HSDL2: variants seen among roughly 807,000 people sequenced by gnomAD.
The protein encoded by HSDL2 is hydroxysteroid dehydrogenase like 2.
A neutral mutation model predicts 46.3 loss-of-function variants in HSDL2; 27 were observed. The observed-to-expected ratio is 0.58, with a 90% CI of 0.43 to 0.80. HSDL2 has a LOEUF of 0.80. Among genes scored for constraint, HSDL2 ranks in the 30% least tolerant of loss-of-function variants. HSDL2 has a pLI of 0.00. For missense variants in HSDL2, 451 were observed against 502.7 expected (o/e 0.90, Z 0.98); for synonymous variants, 153 against 163.6 (o/e 0.94, Z 0.50).
At chr9:112,457,196 G>A (rs1461116882) in intron 9 of HSDL2, among the ~76,000 whole-genome samples, 1 of 152,022 alleles carries the variant, frequency 6.6e-6, no homozygotes, top group Non-Finnish European at 1.5e-5. Flanking sequence ...TTTCTGCTCA[G>A]ATCCAGGCAA....
rs1352897695 is a variant in HSDL2, at chr9:112,471,240, T to C, written c.*696T>C. 1 of 152,234 alleles carries C rather than the reference T, an allele frequency of 6.6e-6. No individual in the cohort carries two copies. Among genetic ancestry groups the C allele is most frequent in the Admixed American group, 6.5e-5 (1 of 15,280 alleles). 9.4% of individuals were successfully genotyped at this position (152,234 alleles called of 1,614,324 possible). The stretch of plus-strand genomic sequence containing the variant: ...CTACAGTGTTTTGAAACAGAAACCT[T>C]AGAATAGGTCATTGGTATGGGCTGA... On this transcript the variant is annotated 3_prime_UTR_variant, in exon 11 of 11. Coordinates refer to ENST00000398805, the MANE Select transcript of HSDL2 (RefSeq NM_032303.5).
intron 6 of HSDL2, among the ~76,000 whole-genome samples, chr9:112,430,200 A>G (rs1156797373): frequency 6.6e-6 from 1 of 152,088 alleles, no homozygotes; most frequent in Non-Finnish European, 1.5e-5. Context: ...GTTTGAGCAT[A>G]GACTTTGACA....
chr9:112,423,660 G>A (rs1030651530), intron 6 of HSDL2, among the ~76,000 whole-genome samples: 1 of 151,816 alleles, frequency 6.6e-6, no homozygotes, highest in Non-Finnish European at 1.5e-5. Context: ...CATTAGGGAA[G>A]GGAACACTTT....
In HSDL2 at chr9:112,431,467, C is replaced by T. The variant is rs74414210; in HGVS notation, c.599-6964C>T. On this transcript the variant is annotated intron_variant, in intron 6 of 10. Coordinates refer to ENST00000398805, the MANE Select transcript of HSDL2 (RefSeq NM_032303.5). Reference sequence around the variant, plus strand: ...GGAAGATGAAAGAGGAGATGAAAGCCGACTGAAGAAGGAGCTTGGGGAGTG... The same window carrying T: ...GGAAGATGAAAGAGGAGATGAAAGCTGACTGAAGAAGGAGCTTGGGGAGTG... 1.8e-4 allele frequency among the ~76,000 whole-genome samples: 27 copies of T among 152,086 alleles called. No homozygotes were observed. The East Asian group carries it at 4.6e-3, about 26-fold the overall frequency.
intron 1 of HSDL2, among the ~76,000 whole-genome samples, chr9:112,381,088 T>TACACACACACACACACAC (rs111459650): frequency 0.032 from 4,356 of 134,158 alleles, 100 homozygotes; most frequent in East Asian, 0.049. Context: ...TACATCCGGA[T>TACACACACACACACACAC]ACACACACAC....
At chr9:112,394,517 T>A (rs908961507) in intron 1 of HSDL2, among the ~76,000 whole-genome samples, 1 of 152,300 alleles carries the variant, frequency 6.6e-6, no homozygotes, top group African/African-American at 2.4e-5. Context: ...TTTTTAATAC[T>A]GCTGCATGTG....
chr9:112,442,224 G>A (rs975082261), intron 8 of HSDL2, among the ~76,000 whole-genome samples: 14 of 139,792 alleles, frequency 1.0e-4, no homozygotes, highest in African/African-American at 1.9e-4. Context: ...AGCCGTGATC[G>A]TGCCACTGCA....
intron 6 of HSDL2, among the ~76,000 whole-genome samples, chr9:112,428,062 T>C (rs542421387): frequency 1.5e-4 from 23 of 152,326 alleles, no homozygotes; most frequent in African/African-American, 5.3e-4. Flanking sequence ...CTATCTGCTA[T>C]GTACTGGATA....
chr9:112,394,456 T>G (rs1024788008), intron 1 of HSDL2, among the ~76,000 whole-genome samples: 11 of 152,200 alleles, frequency 7.2e-5, no homozygotes, highest in Admixed American at 4.6e-4. Flanking sequence ...GAGCAATTGT[T>G]TTTTAAATAG....
At chr9:112,464,656 A>G (rs1833323576) in intron 10 of HSDL2, among the ~76,000 whole-genome samples, 1 of 152,216 alleles carries the variant, frequency 6.6e-6, no homozygotes, top group East Asian at 1.9e-4. Context: ...TAGTAATTCA[A>G]TTTCTAGTTG....
chr9:112,465,713 G>C (rs150338888), intron 10 of HSDL2, among the ~76,000 whole-genome samples: 2 of 152,166 alleles, frequency 1.3e-5, no homozygotes, highest in Non-Finnish European at 2.9e-5. Context: ...GTTCATCCAA[G>C]CTGTAGCATG....
intron 5 of HSDL2, among the ~76,000 whole-genome samples, chr9:112,418,442 G>C (rs1434897406): frequency 6.6e-6 from 1 of 151,638 alleles, no homozygotes; most frequent in Non-Finnish European, 1.5e-5. Context: ...AATTAGCCAG[G>C]CTTGGTGGCA....
intron 1 of HSDL2, among the ~76,000 whole-genome samples, chr9:112,403,402 C>T (rs1831652333): frequency 6.6e-6 from 1 of 152,198 alleles, no homozygotes; most frequent in South Asian, 2.1e-4. Flanking sequence ...CATGTTGTAG[C>T]TCATAGCAGT....
At chr9:112,443,225 A>G (rs1832679408) in intron 8 of HSDL2, among the ~76,000 whole-genome samples, 2 of 152,208 alleles carry the variant, frequency 1.3e-5, no homozygotes, top group African/African-American at 4.8e-5. Flanking sequence ...TAAACTCCAA[A>G]TTTTAAATAA....
chr9:112,458,514 A>G (rs1833101984), intron 9 of HSDL2, among the ~76,000 whole-genome samples: 2 of 151,130 alleles, frequency 1.3e-5, no homozygotes, highest in African/African-American at 4.9e-5. Context: ...TTTAGTAGAA[A>G]CGGGGTTTCA....
intron 1 of HSDL2, among the ~76,000 whole-genome samples, chr9:112,387,372 A>C (rs1831239546): frequency 6.6e-6 from 1 of 151,968 alleles, no homozygotes; most frequent in African/African-American, 2.4e-5. Context: ...GGTGCGTACC[A>C]CATGCCTGGC....
chr9:112,415,689 C>T (rs1433676666), intron 4 of HSDL2, among the ~76,000 whole-genome samples: 1 of 152,090 alleles, frequency 6.6e-6, no homozygotes, highest in African/African-American at 2.4e-5. Flanking sequence ...TGTTTTTTTC[C>T]ATCAAGCAGA....
At position 112,405,735 on chromosome 9, in the gene HSDL2, T is replaced by A. The variant is rs1180530518; in HGVS notation, c.280+13T>A. On this transcript the variant is annotated intron_variant, in intron 3 of 10. Transcript: ENST00000398805. ...AAGAAATTTGGAGGTAATACCTTCA[T>A]TCTGAAAAAATTATTGGATATTGGT... The A allele has an allele frequency of 6.7e-7, 1 of 1,489,024 alleles. No homozygotes were observed. The highest frequency in any genetic ancestry group is 9.3e-7 in the Non-Finnish European group (1 of 1,078,398). The allele number at this position is 1,489,024 out of a possible 1,614,324, so 92.2% of individuals were successfully genotyped here.
In HSDL2 at chr9:112,459,582, GT is replaced by G. The variant is rs1160346901; in HGVS notation, c.1144+9del. 2 of 1,611,652 alleles carry G rather than the reference GT, an allele frequency of 1.2e-6. No homozygotes were observed. The highest frequency in any genetic ancestry group is 1.7e-6 in the Non-Finnish European group (2 of 1,178,206). ...ACTTTGTAAAAATGTTTTCAGGTGA[GT>G]TTTCCAGTTTATTAGTTTACCTTAT... On this transcript the variant is annotated splice_donor_region_variant and intron_variant, in intron 10 of 10. Coordinates refer to ENST00000398805, the MANE Select transcript of HSDL2 (RefSeq NM_032303.5).
Sources: gnomAD v4.1 joint callset for allele counts (sites outside exome capture counted in the v4.1 genomes callset) on GRCh38, gnomAD v4.1.1 for gene constraint, MANE v1.5 for transcripts, NCBI Gene and HGNC (gene_info 2026-07-23, HGNC 2026-07-21) for gene names.